Variants in ATP1B2 observed in about 807,000 individuals in gnomAD.
ATP1B2 encodes ATPase Na+/K+ transporting subunit beta 2, also known as sodium/potassium-transporting ATPase subunit beta-2.
ATP1B2 carries 12 observed loss-of-function variants against 37.3 expected under a neutral mutation model. The observed-to-expected ratio is 0.32, with a 90% CI of 0.21 to 0.52. The LOEUF (loss-of-function observed/expected upper bound fraction) is 0.52, where lower values mean the gene tolerates loss of function less well. ATP1B2 is among the 20% of genes least tolerant of loss of function. ATP1B2 has a pLI of 0.96. For synonymous variants in ATP1B2, 139 were observed against 140.5 expected (o/e 0.99, Z 0.07); for missense variants, 324 against 391.6 (o/e 0.83, Z 1.46).
upstream of ATP1B2, among the ~76,000 whole-genome samples, chr17:7,647,908 C>T (rs1211928919): frequency 6.6e-6 from 1 of 152,084 alleles, no homozygotes; most frequent in Non-Finnish European, 1.5e-5. Flanking sequence ...GCCTGCAGCC[C>T]CAACTACCTG....
Position 7,657,246 on chromosome 17 carries a change from A to AT in ATP1B2, c.*1352dup, listed in dbSNP as rs989805052. 2.6e-5 allele frequency: 4 copies of AT among 151,958 alleles called. No homozygotes were observed. The highest frequency in any genetic ancestry group is 9.7e-5 in the African/African-American group (4 of 41,338). The allele number at this position is 151,958 out of a possible 1,614,324, so 9.4% of individuals were successfully genotyped here. On this transcript the variant is annotated 3_prime_UTR_variant, in exon 7 of 7. Transcript: ENST00000250111. ...CCCTGAGCCCAGATCTGCCCCCACC[A>AT]TCCTTTCTCTGGCTTCTTTTAGCAA...
chr17:7,648,859 C>A (rs1487804016), upstream of ATP1B2, among the ~76,000 whole-genome samples: 1 of 152,008 alleles, frequency 6.6e-6, no homozygotes, highest in Non-Finnish European at 1.5e-5. Flanking sequence ...CTCCGCAATC[C>A]ACACCCATGC....
At chr17:7,652,830 G>A (rs538789570) in intron 1 of ATP1B2, among the ~76,000 whole-genome samples, 11 of 152,270 alleles carry the variant, frequency 7.2e-5, no homozygotes, top group South Asian at 2.1e-4. Flanking sequence ...CTAACAAGCC[G>A]TCTCTGAGAG....
At chr17:7,647,798 G>A (rs1161711856), upstream of ATP1B2, among the ~76,000 whole-genome samples, 5 of 150,016 alleles carry the variant, frequency 3.3e-5, no homozygotes, top group Non-Finnish European at 7.4e-5. Context: ...CAGCCTGGGC[G>A]ACAGAGTGAG....
chr17:7,650,610 C>T (rs1027070411), upstream of ATP1B2, among the ~76,000 whole-genome samples: 6 of 152,136 alleles, frequency 3.9e-5, no homozygotes, highest in African/African-American at 1.4e-4. Context: ...GCCTGGGGCC[C>T]CCACCTTTGA....
Position 7,655,891 on chromosome 17 carries a change from C to G in ATP1B2, c.869C>G (p.Thr290Ser). The G allele has an allele frequency of 6.2e-7, 1 of 1,613,978 alleles. No individual in the cohort carries two copies. Among genetic ancestry groups the G allele is most frequent in the Non-Finnish European group, 8.5e-7 (1 of 1,179,942 alleles). The change falls in exon 7 of 7, where the codon ACC becomes AGC. Residue 290 changes from threonine (T) to serine (S), a missense_variant. By Grantham distance (58) the Thr-to-Ser change is moderately conservative. Coordinates refer to ENST00000250111, the MANE Select transcript of ATP1B2 (RefSeq NM_001678.5). The surrounding 1 kb of genome is among the most constrained non-coding windows in gnomAD (Gnocchi z 4.4). ...GCCTTCAAACTCCGCATCAACAAAA[C>G]CTGAGGCCCCTTCCTCCCACCCCAT... ...RVAFKLRINK[T>S]
rs144506937 is a variant in ATP1B2, at chr17:7,655,153, A to G, written c.610-374A>G. On this transcript the variant is annotated intron_variant, in intron 5 of 6. Coordinates refer to ENST00000250111, the MANE Select transcript of ATP1B2 (RefSeq NM_001678.5). The surrounding 1 kb of genome is among the most constrained non-coding windows in gnomAD (Gnocchi z 4.4). Reference sequence around the variant, plus strand: ...CCCCCCCGGTCTGTCCTTTCTAGAAACTGGCTGCTCCCTCCACATCCCCTT... The same window carrying G: ...CCCCCCCGGTCTGTCCTTTCTAGAAGCTGGCTGCTCCCTCCACATCCCCTT... The G allele has an allele frequency of 1.5e-3, 497 of 332,826 alleles. 1 individual carries two copies. Among genetic ancestry groups the G allele is most frequent in the African/African-American group, 0.01 (474 of 47,026 alleles). 20.6% of individuals were successfully genotyped at this position (332,826 alleles called of 1,614,324 possible). A position where few individuals can be genotyped will look rare whatever the true frequency, so the allele number is the denominator to read the frequency against.
rs928316728 is a variant in ATP1B2 at position 7,651,261 on chromosome 17, C to T, written c.-258C>T. 1.0e-5 allele frequency: 5 copies of T among 500,626 alleles called. No homozygotes were observed. The highest frequency in any genetic ancestry group is 1.5e-5 in the Non-Finnish European group (4 of 275,120). 31.0% of individuals were successfully genotyped at this position (500,626 alleles called of 1,614,324 possible). ...TCATACCCCTTCCTCTTGTTATTCT[C>T]CCCTGCTCTGACAGCACCCCTTTTC... On this transcript the variant is annotated 5_prime_UTR_variant, in exon 1 of 7. Transcript: ENST00000250111.
At chr17:7,650,219 C>T (rs1403532103), upstream of ATP1B2, among the ~76,000 whole-genome samples, 1 of 152,016 alleles carries the variant, frequency 6.6e-6, no homozygotes, top group African/African-American at 2.4e-5. Context: ...CCGAAGTAGA[C>T]CTGGCTGCAG....
chr17:7,654,908 T>TC lies in ATP1B2; in HGVS notation c.609+226dup. ...CTCTCTGGGATGCAGAGGCCTGCTC[T>TC]CCTAGGGGCCAGACACACGCCCTCC... On this transcript the variant is annotated intron_variant, in intron 5 of 6. Transcript: ENST00000250111. This position sits in a 1 kb window ranked among gnomAD's most constrained non-coding sequence, Gnocchi z 4.9. The TC allele has an allele frequency of 1.8e-6, 1 of 554,950 alleles. No homozygotes were observed. Among genetic ancestry groups the TC allele is most frequent in the South Asian group, 2.2e-5 (1 of 44,590 alleles). 34.4% of individuals were successfully genotyped at this position (554,950 alleles called of 1,614,324 possible).
chr17:7,649,511 C>T (rs2072595893), upstream of ATP1B2, among the ~76,000 whole-genome samples: 1 of 151,994 alleles, frequency 6.6e-6, no homozygotes, highest in East Asian at 1.9e-4. Context: ...CTTCAGCCTC[C>T]TGAGTAGCTG....
upstream of ATP1B2, among the ~76,000 whole-genome samples, chr17:7,647,191 G>A (rs1391377198): frequency 6.6e-6 from 1 of 151,772 alleles, no homozygotes; most frequent in Non-Finnish European, 1.5e-5. Context: ...TATGAACGTG[G>A]AAAGGAAGCA....
intron 1 of ATP1B2, 34 bp from the exon 2 acceptor site, chr17:7,653,340 T>C (rs1273771126): frequency 2.5e-6 from 4 of 1,613,156 alleles, no homozygotes; most frequent in African/African-American, 2.7e-5. Flanking sequence ...GGTGGGAACC[T>C]TGGGCCCTGC....
rs753061434 is a variant in ATP1B2, at chr17:7,651,602, G to C, written c.84G>C (p.Gln28His). Reference sequence around the variant, plus strand: ...TCGTGTGGAACCCGAGGACGCACCAGTTTATGGGCCGCACCGGGACCAGCT... The same window carrying C: ...TCGTGTGGAACCCGAGGACGCACCACTTTATGGGCCGCACCGGGACCAGCT... ...KEFVWNPRTHQFMGRTGTSWA... is the reference protein window; with the variant it reads ...KEFVWNPRTHHFMGRTGTSWA... The change falls in exon 1 of 7, where the codon CAG becomes CAC. Residue 28 changes from glutamine to histidine, a missense_variant. Transcript: ENST00000250111. The C allele has an allele frequency of 6.2e-7, 1 of 1,605,578 alleles. No homozygotes were observed. The highest frequency in any genetic ancestry group is 1.1e-5 in the South Asian group (1 of 89,716).
upstream of ATP1B2, among the ~76,000 whole-genome samples, chr17:7,650,855 G>T (rs1045316484): frequency 1.3e-5 from 2 of 152,070 alleles, no homozygotes; most frequent in Non-Finnish European, 2.9e-5. Context: ...CGGAGCTTCT[G>T]GGGGTGGGAA....
intron 1 of ATP1B2, 46 bp downstream of exon 1, chr17:7,651,676 A>C (rs2072614162): frequency 6.6e-7 from 1 of 1,514,720 alleles, no homozygotes; most frequent in Non-Finnish European, 8.9e-7. Context: ...CCGCGGGGCG[A>C]CGCCTCGGGG....
At position 7,656,224 on chromosome 17, in the gene ATP1B2, T is replaced by A; in HGVS notation, c.*329T>A. 6.1e-6 allele frequency: 2 copies of A among 328,310 alleles called. No homozygotes were observed. The highest frequency in any genetic ancestry group is 1.2e-4 in the East Asian group (2 of 16,206). 20.3% of individuals were successfully genotyped at this position (328,310 alleles called of 1,614,324 possible). A position where few individuals can be genotyped will look rare whatever the true frequency, so the allele number is the denominator to read the frequency against. ...CTGCCTGCATATCCCCTGAGAGTTA[T>A]AGGAAGTGCCCACTGACCCACCCAC... On this transcript the variant is annotated 3_prime_UTR_variant, in exon 7 of 7. Coordinates refer to ENST00000250111, the MANE Select transcript of ATP1B2 (RefSeq NM_001678.5).
At chr17:7,648,636 T>C (rs2072589963), upstream of ATP1B2, among the ~76,000 whole-genome samples, 1 of 147,814 alleles carries the variant, frequency 6.8e-6, no homozygotes, top group Non-Finnish European at 1.5e-5. Context: ...TTTTTTCCCC[T>C]AGGTTTTGAA....
Position 7,655,127 on chromosome 17 carries a change from T to C in ATP1B2, c.610-400T>C, listed in dbSNP as rs559704819. On this transcript the variant is annotated intron_variant, in intron 5 of 6. Coordinates refer to ENST00000250111, the MANE Select transcript of ATP1B2 (RefSeq NM_001678.5). The surrounding 1 kb of genome is among the most constrained non-coding windows in gnomAD (Gnocchi z 4.4). Reference sequence around the variant, plus strand: ...TGTCCTTGGGACCCTGTTCCCCGCTTCCCCCCCGGTCTGTCCTTTCTAGAA... The same window carrying C: ...TGTCCTTGGGACCCTGTTCCCCGCTCCCCCCCCGGTCTGTCCTTTCTAGAA... 3 of 309,308 alleles carry C rather than the reference T, an allele frequency of 9.7e-6. No homozygotes were observed. The highest frequency in any genetic ancestry group is 9.2e-5 in the South Asian group (2 of 21,678). The allele number at this position is 309,308 out of a possible 1,614,324, so 19.2% of individuals were successfully genotyped here. A position where few individuals can be genotyped will look rare whatever the true frequency, so the allele number is the denominator to read the frequency against.
Sources: allele counts gnomAD v4.1 joint callset (sites outside exome capture counted in the v4.1 genomes callset), GRCh38; gene constraint gnomAD v4.1.1; non-coding constraint Gnocchi (gnomAD v3.1); transcripts MANE v1.5; gene names NCBI Gene and HGNC (gene_info 2026-07-23, HGNC 2026-07-21).